FGF13: variants seen among roughly 807,000 people sequenced by gnomAD.
FGF13 encodes the protein fibroblast growth factor homologous factor 2.
FGF13 carries 2 observed loss-of-function variants against 19.5 expected under a neutral mutation model. That is an observed-to-expected ratio of 0.10 (90% CI 0.04 to 0.32). The LOEUF is 0.32. Among genes scored for constraint, FGF13 ranks in the 10% least tolerant of loss-of-function variants. The pLI, the probability that FGF13 is intolerant of heterozygous loss-of-function variation, is 1.00. For synonymous variants in FGF13, 72 were observed against 76.9 expected, an observed-to-expected ratio of 0.94 and a Z score of 0.33; for missense variants, 113 against 192.7, an observed-to-expected ratio of 0.59 and a Z score of 2.45.
intron 1 of FGF13, among the ~76,000 whole-genome samples, chrX:138,871,868 T>C (rs1327895895): frequency 8.9e-6 from 1 of 112,085 alleles, no homozygotes; most frequent in African/African-American, 3.2e-5. Context: ...TCTGCTCATG[T>C]AGGCCATTGT....
At chrX:138,911,982 C>T (rs769921080) in intron 1 of FGF13, among the ~76,000 whole-genome samples, 2 of 112,103 alleles carry the variant, frequency 1.8e-5, no homozygotes, top group South Asian at 7.5e-4. Context: ...CACCCTTGGT[C>T]TCTGAGCAAA....
chrX:138,813,296 G>A (rs183219756), intron 3 of FGF13, among the ~76,000 whole-genome samples: 16 of 111,233 alleles, frequency 1.4e-4, no homozygotes, highest in South Asian at 3.8e-4. Context: ...CTATCATTGC[G>A]GAGTCTAGCC....
intron 1 of FGF13, among the ~76,000 whole-genome samples, chrX:139,137,555 C>A (rs966768222): frequency 8.9e-6 from 1 of 112,037 alleles, no homozygotes. Context: ...GGGCTAAGCA[C>A]ACAGAAGCCC....
At chrX:138,827,580 T>A (rs927842304) in intron 3 of FGF13, among the ~76,000 whole-genome samples, 8 of 111,317 alleles carry the variant, frequency 7.2e-5, no homozygotes, top group African/African-American at 2.6e-4. Flanking sequence ...ATAGCTAGAA[T>A]TTATTAAGTG....
At chrX:139,203,794 C>G (rs2084439327), upstream of FGF13, among the ~76,000 whole-genome samples, 2 of 112,150 alleles carry the variant, frequency 1.8e-5, no homozygotes, top group Non-Finnish European at 3.8e-5. Flanking sequence ...CTGCCCGCAG[C>G]GCCACCACCG....
chrX:139,076,406 G>C (rs2083332855), intron 1 of FGF13, among the ~76,000 whole-genome samples: 1 of 111,684 alleles, frequency 9.0e-6, no homozygotes, highest in Admixed American at 9.6e-5. Flanking sequence ...TTACTTTCAA[G>C]AGTATCTGGT....
chrX:138,772,858 G>C (rs765540563), intron 3 of FGF13, among the ~76,000 whole-genome samples: 1 of 110,137 alleles, frequency 9.1e-6, no homozygotes, highest in South Asian at 3.9e-4. Flanking sequence ...CATATGATTA[G>C]CTCCTGATAG....
chrX:139,084,909 G>C (rs1013981253), intron 1 of FGF13, among the ~76,000 whole-genome samples: 3 of 111,617 alleles, frequency 2.7e-5, no homozygotes, highest in African/African-American at 9.8e-5. Context: ...TAATGTAAAT[G>C]AGGCCTCTCC....
chrX:139,189,364 G>C, intron 1 of FGF13, among the ~76,000 whole-genome samples: 1 of 111,848 alleles, frequency 8.9e-6, no homozygotes, highest in Middle Eastern at 4.7e-3. Flanking sequence ...TTATTCACAA[G>C]AGTCAGAAGA....
chrX:138,857,674 C>T, exon 3 of FGF13: 1 of 1,189,355 alleles, frequency 8.4e-7, no homozygotes, highest in Non-Finnish European at 1.1e-6. Flanking sequence ...GGGGCGTCAT[C>T]CAGAACTGTG....
At chrX:138,685,912 C>T (rs1190518698) in intron 3 of FGF13, among the ~76,000 whole-genome samples, 1 of 109,031 alleles carries the variant, frequency 9.2e-6, no homozygotes, top group Non-Finnish European at 1.9e-5. Flanking sequence ...ATGTGGCTTC[C>T]TGAAACAGCA....
intron 3 of FGF13, among the ~76,000 whole-genome samples, chrX:138,795,070 G>A (rs1167104724): frequency 2.7e-5 from 3 of 111,472 alleles, no homozygotes; most frequent in Non-Finnish European, 5.7e-5. Context: ...CAAGTTATTC[G>A]CTCAAGAAGC....
intron 3 of FGF13, among the ~76,000 whole-genome samples, chrX:138,750,427 TA>T (rs1167468148): frequency 1.8e-5 from 2 of 110,846 alleles, no homozygotes; most frequent in Non-Finnish European, 3.8e-5. Context: ...TTAACATCTT[TA>T]AAAATTTAGA....
At chrX:138,704,035 G>C (rs1399284554) in intron 2 of FGF13, among the ~76,000 whole-genome samples, 3 of 112,274 alleles carry the variant, frequency 2.7e-5, no homozygotes, top group Non-Finnish European at 5.6e-5. Context: ...TTTCTTAAAG[G>C]ACCAACATTT....
intron 1 of FGF13, among the ~76,000 whole-genome samples, chrX:138,972,056 T>TTGTGTGTG (rs370317832): frequency 0.22 from 20,688 of 94,706 alleles, 2,222 homozygotes; most frequent in South Asian, 0.38. Context: ...TAGTATTCTA[T>TTGTGTGTG]TGTGTGTGTG....
intron 1 of FGF13, among the ~76,000 whole-genome samples, chrX:138,730,109 A>C (rs940854064): frequency 9.0e-6 from 1 of 111,545 alleles, no homozygotes; most frequent in African/African-American, 3.2e-5. Flanking sequence ...GAAATGAAAA[A>C]CACGAAGAGT....
chrX:138,760,561 C>G (rs754543547), intron 3 of FGF13, among the ~76,000 whole-genome samples: 2 of 111,664 alleles, frequency 1.8e-5, no homozygotes, highest in African/African-American at 6.5e-5. Flanking sequence ...CAAAGGAAAA[C>G]ATTTACAGAC....
At chrX:138,727,287 G>A (rs896473330) in intron 1 of FGF13, among the ~76,000 whole-genome samples, 1 of 110,086 alleles carries the variant, frequency 9.1e-6, no homozygotes, top group African/African-American at 3.3e-5. Flanking sequence ...CTATCAATGA[G>A]GCACAGGAAG....
chrX:139,154,868 A>T (rs2083964923), intron 1 of FGF13, among the ~76,000 whole-genome samples: 1 of 112,077 alleles, frequency 8.9e-6, no homozygotes, highest in South Asian at 3.7e-4. Context: ...TACAGCACTT[A>T]CTTTGTACCA....
Sources: gnomAD v4.1 joint callset for allele counts (sites outside exome capture counted in the v4.1 genomes callset) on GRCh38, gnomAD v4.1.1 for gene constraint, MANE v1.5 for transcripts, NCBI Gene and HGNC (gene_info 2026-07-23, HGNC 2026-07-21) for gene names.